Variants in GUCY1A1 observed in about 807,000 individuals in gnomAD.
GUCY1A1 encodes the protein guanylate cyclase 1 soluble subunit alpha 1, also known as guanylate cyclase soluble subunit alpha-1.
In GUCY1A1, 48 loss-of-function variants were observed where a neutral mutation model predicts 64.5. The ratio of observed to expected loss-of-function variants is 0.74; its 90% CI spans 0.59 to 0.95. GUCY1A1 has a LOEUF of 0.95. Among genes scored for constraint, GUCY1A1 ranks in the 40% least tolerant of loss-of-function variants. GUCY1A1 has a pLI of 0.00. For synonymous variants in GUCY1A1, 308 were observed against 303.4 expected, an observed-to-expected ratio of 1.02 and a Z score of -0.16; for missense variants, 804 against 825.3, an observed-to-expected ratio of 0.97 and a Z score of 0.32.
At chr4:155,720,064 CT>C (rs1733758650) in intron 8 of GUCY1A1, among the ~76,000 whole-genome samples, 1 of 152,062 alleles carries the variant, frequency 6.6e-6, no homozygotes, top group South Asian at 2.1e-4. Context: ...AGATTCAAAA[CT>C]GGAGAAGGGG....
intron 2 of GUCY1A1, among the ~76,000 whole-genome samples, chr4:155,683,306 C>T (rs545812321): frequency 1.3e-5 from 2 of 152,172 alleles, no homozygotes; most frequent in Non-Finnish European, 2.9e-5. Flanking sequence ...GTGTCATTTA[C>T]AGAGGTGTGT....
Position 155,710,750 on chromosome 4 carries a change from G to A in GUCY1A1, c.585G>A (p.Lys195=), listed in dbSNP as rs1560949662. The A allele has an allele frequency of 2.5e-6, 4 of 1,614,076 alleles. No homozygotes were observed. Among genetic ancestry groups the A allele is most frequent in the Non-Finnish European group, 3.4e-6 (4 of 1,179,968 alleles). The change falls in exon 6 of 10, where the codon AAG becomes AAA. Residue 195 remains lysine (K), a synonymous_variant. Coordinates refer to ENST00000506455, the MANE Select transcript of GUCY1A1 (RefSeq NM_001130682.3). ...LEDASILCLD[K]EDDFLHVYYF... is the part of the protein sequence containing the mutation. ...ACGCCTCCATTCTATGCCTGGATAA[G>A]GAGGATGATTTTCTACATGTTTACT... is the stretch of plus-strand genomic sequence containing the variant.
chr4:155,734,592 A>G lies in GUCY1A1; in HGVS notation c.*4361A>G, dbSNP rs921567532. 2.6e-5 allele frequency: 4 copies of G among 151,928 alleles called. No homozygotes were observed. The highest frequency in any genetic ancestry group is 1.3e-4 in the Admixed American group (2 of 15,228). The allele number at this position is 151,928 out of a possible 1,614,324, so 9.4% of individuals were successfully genotyped here. ...GTGGTTGTACTTGGACAGTTAAATG[A>G]AGACTGTCTTTAAGGGTGCAGGGAT... On this transcript the variant is annotated 3_prime_UTR_variant, in exon 10 of 10. Transcript: ENST00000506455.
intron 2 of GUCY1A1, among the ~76,000 whole-genome samples, chr4:155,679,721 T>G (rs1735451893): frequency 6.6e-6 from 1 of 152,272 alleles, no homozygotes; most frequent in South Asian, 2.1e-4. Flanking sequence ...ATCCAAACCA[T>G]GGCATGGTCC....
chr4:155,721,961 A>T (rs1442836266), intron 8 of GUCY1A1, 77 bp from the exon 9 acceptor site: 2 of 991,392 alleles, frequency 2.0e-6, no homozygotes, highest in East Asian at 4.8e-5. Context: ...AATAATTTAG[A>T]CGGTATTCAA....
In GUCY1A1 at chr4:155,734,373, G is replaced by A. The variant is rs1735861880; in HGVS notation, c.*4142G>A. 1 of 151,960 alleles carries A rather than the reference G, an allele frequency of 6.6e-6. No individual in the cohort carries two copies. Among genetic ancestry groups the A allele is most frequent in the African/African-American group, 2.4e-5 (1 of 41,410 alleles). 9.4% of individuals were successfully genotyped at this position (151,960 alleles called of 1,614,324 possible). On this transcript the variant is annotated 3_prime_UTR_variant, in exon 10 of 10. Transcript: ENST00000506455. The stretch of plus-strand genomic sequence containing the variant: ...ATGCAAATGTTAGTCGCCCAAAGCA[G>A]AATGGGTTAACGAATTACTGCAGTG...
At chr4:155,692,620 C>T (rs1729893943) in intron 2 of GUCY1A1, among the ~76,000 whole-genome samples, 1 of 152,146 alleles carries the variant, frequency 6.6e-6, no homozygotes, top group Non-Finnish European at 1.5e-5. Flanking sequence ...GTGTCTTTTT[C>T]TAACTTTTCA....
chr4:155,708,958 G>A (rs1307783615), intron 5 of GUCY1A1, among the ~76,000 whole-genome samples: 2 of 151,988 alleles, frequency 1.3e-5, no homozygotes, highest in Admixed American at 1.3e-4. Context: ...ATTATAGAAA[G>A]GGAAGATCAT....
intron 3 of GUCY1A1, among the ~76,000 whole-genome samples, chr4:155,702,555 G>A (rs1206641845): frequency 2.0e-5 from 3 of 152,226 alleles, no homozygotes; most frequent in Non-Finnish European, 2.9e-5. Flanking sequence ...CACCAAGCCC[G>A]ACTCAGAATC....
chr4:155,731,895 A>G lies in GUCY1A1; in HGVS notation c.*1664A>G, dbSNP rs1242286105. On this transcript the variant is annotated 3_prime_UTR_variant, in exon 10 of 10. Transcript: ENST00000506455. Reference sequence around the variant, plus strand: ...TTACTAAGTGATAACCCCGTATCTTACAGGACTGACTTTGACTCAATAAAC... The same window carrying G: ...TTACTAAGTGATAACCCCGTATCTTGCAGGACTGACTTTGACTCAATAAAC... The G allele has an allele frequency of 6.6e-6, 1 of 151,814 alleles. No homozygotes were observed. The highest frequency in any genetic ancestry group is 1.5e-5 in the Non-Finnish European group (1 of 67,852). The allele number at this position is 151,814 out of a possible 1,614,324, so 9.4% of individuals were successfully genotyped here.
intron 2 of GUCY1A1, among the ~76,000 whole-genome samples, chr4:155,670,271 T>C (rs2126486074): frequency 6.6e-6 from 1 of 152,348 alleles, no homozygotes; most frequent in South Asian, 2.1e-4. Flanking sequence ...TTCCCCAAAG[T>C]ATTAATAATT....
At chr4:155,729,431 A>C (rs1735234804) in intron 9 of GUCY1A1, among the ~76,000 whole-genome samples, 1 of 151,894 alleles carries the variant, frequency 6.6e-6, no homozygotes, top group Non-Finnish European at 1.5e-5. Context: ...TTCAGGAGAA[A>C]AAATATTGCT....
chr4:155,677,010 G>T (rs540520013), intron 2 of GUCY1A1, among the ~76,000 whole-genome samples: 1 of 151,486 alleles, frequency 6.6e-6, no homozygotes, highest in Non-Finnish European at 1.5e-5. Context: ...AACTGAGTTT[G>T]TGTGGTCTAA....
chr4:155,725,607 G>A (rs1223933339), intron 9 of GUCY1A1, among the ~76,000 whole-genome samples: 1 of 151,944 alleles, frequency 6.6e-6, no homozygotes, highest in African/African-American at 2.4e-5. Flanking sequence ...TATATTGATT[G>A]TTTTTAACAG....
At chr4:155,694,542 G>A (rs961199007) in intron 2 of GUCY1A1, among the ~76,000 whole-genome samples, 3 of 152,092 alleles carry the variant, frequency 2.0e-5, no homozygotes, top group Admixed American at 6.5e-5. Context: ...TAATATACTC[G>A]GTTTTCTACA....
At chr4:155,697,949 G>C (rs149235269) in intron 3 of GUCY1A1, among the ~76,000 whole-genome samples, 2 of 152,254 alleles carry the variant, frequency 1.3e-5, no homozygotes, top group East Asian at 3.9e-4. Context: ...CTATGAATTT[G>C]GCTGGACATT....
Position 155,710,558 on chromosome 4 carries a change from T to C in GUCY1A1, c.393T>C (p.Val131=). 1 of 1,595,494 alleles carries C rather than the reference T, an allele frequency of 6.3e-7. No homozygotes were observed. The highest frequency in any genetic ancestry group is 1.1e-5 in the South Asian group (1 of 89,604). Residue 131 remains valine, a synonymous_variant, in exon 6 of 10, where the codon GTT becomes GTC. Transcript: ENST00000506455. Reference sequence around the variant, plus strand: ...TGATTTCAGGAGTTCCAGTGGAGGTTATCAAAGAATCTCTTGGTGAAGAGG... The same window carrying C: ...TGATTTCAGGAGTTCCAGTGGAGGTCATCAAAGAATCTCTTGGTGAAGAGG... ...QAVAAGVPVE[V]IKESLGEEVF...
intron 2 of GUCY1A1, among the ~76,000 whole-genome samples, chr4:155,675,812 C>G (rs763669415): frequency 6.6e-6 from 1 of 150,698 alleles, no homozygotes; most frequent in Non-Finnish European, 1.5e-5. Flanking sequence ...TCTCTCTCTC[C>G]TCCTCTTTGA....
At chr4:155,682,676 GA>G (rs1048657937) in intron 2 of GUCY1A1, among the ~76,000 whole-genome samples, 26 of 140,916 alleles carry the variant, frequency 1.8e-4, no homozygotes, top group African/African-American at 6.9e-4. Context: ...CATCTCAAAA[GA>G]AAAAAAAAGA....
Sources: gnomAD v4.1 joint callset for allele counts (sites outside exome capture counted in the v4.1 genomes callset) on GRCh38, gnomAD v4.1.1 for gene constraint, MANE v1.5 for transcripts, NCBI Gene and HGNC (gene_info 2026-07-23, HGNC 2026-07-21) for gene names.